The following SGSH variants were observed in gnomAD, a reference collection of about 807,000 sequenced individuals.
SGSH encodes the protein N-sulfoglucosamine sulfohydrolase.
Under a neutral mutation model 51.0 loss-of-function variants are expected in SGSH, and 48 were observed. The observed-to-expected ratio is 0.94, with a 90% CI of 0.75 to 1.20. The LOEUF (loss-of-function observed/expected upper bound fraction) is 1.20, where lower values mean the gene tolerates loss of function less well. Ranked by LOEUF, SGSH falls within the 50% of genes most tolerant of loss-of-function variation. The pLI, the probability that SGSH is intolerant of heterozygous loss-of-function variation, is 0.00. For missense variants in SGSH, 662 were observed against 717.8 expected, an observed-to-expected ratio of 0.92 and a Z score of 0.89; for synonymous variants, 321 against 313.4, an observed-to-expected ratio of 1.02 and a Z score of -0.26.
At chr17:80,209,272 T>C, downstream of SGSH, 2 of 971,446 alleles carry the variant, frequency 2.1e-6, no homozygotes. Flanking sequence ...GGTATCATCA[T>C]AAATGAGTTC....
chr17:80,217,313 G>C, intron 1 of SGSH, 121 bp from the exon 2 acceptor site: 3 of 1,169,620 alleles, frequency 2.6e-6, no homozygotes, highest in Non-Finnish European at 3.7e-6. Context: ...GCATGGTACT[G>C]GCTCAGTGTG....
chr17:80,202,055 C>A (rs3813063), downstream of SGSH: 548,013 of 1,184,974 alleles, frequency 0.46, 132,352 homozygotes, highest in East Asian at 0.55. Flanking sequence ...CCCACTGACT[C>A]CAGTGCCAGA....
chr17:80,200,711 A>C, the SGSH span: 5 of 153,448 alleles, frequency 3.3e-5, no homozygotes, highest in African/African-American at 1.2e-4. Flanking sequence ...TTACACTGTA[A>C]TATGTAATGA....
At chr17:80,201,948 C>A, downstream of SGSH, 1 of 1,499,106 alleles carries the variant, frequency 6.7e-7, no homozygotes, top group Non-Finnish European at 9.0e-7. The surrounding 1 kb of genome is among the most constrained non-coding windows in gnomAD (Gnocchi z 5.0). Context: ...GGTTCTTCTG[C>A]ACGCCCAGCA....
Position 80,217,125 on chromosome 17 carries a change from G to T in SGSH, c.156C>A (p.Ala52=). ...GAAAGAGGAGGCTGCGGCGGGCCAA[G>T]GCGTCCAGGTGCGGGGTGGCGATGG... The part of the protein sequence containing the change: ...NSAIATPHLD[A]LARRSLLFRN... The change falls in exon 2 of 8, where the codon GCC becomes GCA. Residue 52 remains alanine (A), a synonymous_variant. Transcript: ENST00000326317. The T allele has an allele frequency of 6.2e-7, 1 of 1,601,426 alleles. No individual in the cohort carries two copies. Among genetic ancestry groups the T allele is most frequent in the Non-Finnish European group, 8.5e-7 (1 of 1,175,922 alleles).
chr17:80,204,355 A>C (rs573376427), downstream of SGSH: 97 of 1,541,326 alleles, frequency 6.3e-5, no homozygotes, highest in East Asian at 2.2e-3. Flanking sequence ...AGGCCTGGTG[A>C]GCTGGCACAG....
downstream of SGSH, chr17:80,207,195 GCGCTGACAGGGC>G (rs2041371270): frequency 1.5e-6 from 1 of 689,314 alleles, no homozygotes; most frequent in Non-Finnish European, 2.4e-6. Flanking sequence ...GGAAGCTGAG[GCGCTGACAGGGC>G]CGTTTCCGCA....
chr17:80,201,886 C>T (rs1378846324), downstream of SGSH: 9 of 1,600,334 alleles, frequency 5.6e-6, no homozygotes, highest in African/African-American at 1.3e-5. The surrounding 1 kb of genome is among the most constrained non-coding windows in gnomAD (Gnocchi z 5.0). Flanking sequence ...CATACCACTC[C>T]TCTCGTGTGC....
In SGSH at chr17:80,214,214, G is replaced by A; in HGVS notation, c.621C>T (p.Ile207=). The A allele has an allele frequency of 6.2e-7, 1 of 1,612,490 alleles. No homozygotes were observed. Among genetic ancestry groups the A allele is most frequent in the Non-Finnish European group, 8.5e-7 (1 of 1,179,854 alleles). The change falls in exon 5 of 8, where the codon ATC becomes ATT. Residue 207 remains isoleucine, a synonymous_variant. Transcript: ENST00000326317. ...FGNGESGMGR[I]PDWTPQAYDP... is the part of the protein sequence containing the mutation. ...CGTAGGCCTGGGGGGTCCAGTCTGG[G>A]ATACGACCCATGCCGCTCTCTCCGT... is the stretch of plus-strand genomic sequence containing the variant.
At chr17:80,206,459 T>C (rs1040866906), downstream of SGSH, among the ~76,000 whole-genome samples, 11 of 151,150 alleles carry the variant, frequency 7.3e-5, no homozygotes, top group Non-Finnish European at 5.9e-5. Flanking sequence ...TACAAAACAT[T>C]TAAAAGCTAA....
At chr17:80,215,987 C>T (rs1417666692) in intron 2 of SGSH, among the ~76,000 whole-genome samples, 1 of 151,878 alleles carries the variant, frequency 6.6e-6, no homozygotes, top group Admixed American at 6.6e-5. Flanking sequence ...CTGACTCGTG[C>T]TACAGCATAT....
At chr17:80,207,419 C>T (rs904326230), downstream of SGSH, among the ~76,000 whole-genome samples, 1 of 152,140 alleles carries the variant, frequency 6.6e-6, no homozygotes, top group Non-Finnish European at 1.5e-5. Context: ...GGTGTGGCGG[C>T]GGGCGCCTGT....
At chr17:80,216,981 G>A (rs374292286) in intron 2 of SGSH, 51 bp downstream of exon 2, 25 of 1,492,596 alleles carry the variant, frequency 1.7e-5, no homozygotes, top group Middle Eastern at 2.3e-4. Flanking sequence ...GGCCCCGGAC[G>A]CAGCCTGTCT....
At position 80,212,642 on chromosome 17, in the gene SGSH, C is replaced by A; in HGVS notation, c.746-368G>T. On this transcript the variant is annotated intron_variant, in intron 6 of 7. Transcript: ENST00000326317. This position sits in a 1 kb window ranked among gnomAD's most constrained non-coding sequence, Gnocchi z 5.9. ...CAGAGGACGAGGCTTCCTCTATACT[C>A]GCTCCTTCCCAGCTGGGGCCAGAGG... 1 of 368,558 alleles carries A rather than the reference C, an allele frequency of 2.7e-6. No homozygotes were observed. The highest frequency in any genetic ancestry group is 6.9e-5 in the East Asian group (1 of 14,558). 22.8% of individuals were successfully genotyped at this position (368,558 alleles called of 1,614,324 possible).
downstream of SGSH, among the ~76,000 whole-genome samples, chr17:80,207,239 G>A (rs1466708897): frequency 2.0e-5 from 3 of 152,130 alleles, no homozygotes; most frequent in Admixed American, 1.3e-4. Flanking sequence ...CAAGGGCCCC[G>A]CTGATTGCTC....
chr17:80,207,506 G>A (rs1169116611), downstream of SGSH: 5 of 161,478 alleles, frequency 3.1e-5, no homozygotes, highest in Admixed American at 6.3e-5. Flanking sequence ...CCAAGATCGC[G>A]CCACTGCACT....
chr17:80,219,484 C>A (rs979359352), intron 1 of SGSH, among the ~76,000 whole-genome samples: 1 of 152,244 alleles, frequency 6.6e-6, no homozygotes, highest in Non-Finnish European at 1.5e-5. Context: ...CATGCAGATT[C>A]TCTGCTGTGT....
rs1178643772 is a variant in SGSH at position 80,210,976 on chromosome 17, G to A, written c.985C>T (p.Pro329Ser). 1.3e-6 allele frequency: 2 copies of A among 1,599,796 alleles called. No homozygotes were observed. Among genetic ancestry groups the A allele is most frequent in the African/African-American group, 2.7e-5 (2 of 75,066 alleles). ...CCAAAGATGGCGTAGCTGGGGTACG[G>A]GATCGAGAACCAATCCAAGATGGTG... ...TPTILDWFSI[P>S]YPSYAIFGSK... is the part of the protein sequence containing the mutation. Residue 329 changes from proline (P) to serine (S), a missense_variant, in exon 8 of 8, where the codon CCG becomes TCG. Physicochemically the swap from Pro to Ser is moderately conservative, Grantham distance 74 (BLOSUM62 -1). Transcript: ENST00000326317.
Position 80,212,596 on chromosome 17 carries a change from T to C in SGSH, c.746-322A>G, listed in dbSNP as rs1373997893. The C allele has an allele frequency of 6.9e-6, 3 of 432,706 alleles. No homozygotes were observed. The Admixed American group carries it at 1.0e-4, about 15-fold the overall frequency. 26.8% of individuals were successfully genotyped at this position (432,706 alleles called of 1,614,324 possible). ...TCTCCGGAATCTCGTGTCTGTCCCA[T>C]GGAGCAAATAGGGCAGGGGCCAGAG... On this transcript the variant is annotated intron_variant, in intron 6 of 7. Coordinates refer to ENST00000326317, the MANE Select transcript of SGSH (RefSeq NM_000199.5). This position sits in a 1 kb window ranked among gnomAD's most constrained non-coding sequence, Gnocchi z 5.9.
Sources: allele counts gnomAD v4.1 joint callset (sites outside exome capture counted in the v4.1 genomes callset), GRCh38; gene constraint gnomAD v4.1.1; non-coding constraint Gnocchi (gnomAD v3.1); transcripts MANE v1.5; gene names NCBI Gene and HGNC (gene_info 2026-07-23, HGNC 2026-07-21).